Variants in CTNNA2 observed in about 807,000 individuals in gnomAD.
CTNNA2 encodes catenin alpha 2.
CTNNA2 carries 42 observed loss-of-function variants against 101.0 expected under a neutral mutation model. The observed-to-expected ratio is 0.42, with a 90% CI of 0.32 to 0.54. The LOEUF is 0.54. Among genes scored for constraint, CTNNA2 ranks in the 20% least tolerant of loss-of-function variants. CTNNA2 has a pLI of 0.14. For synonymous variants in CTNNA2, 450 were observed against 456.4 expected (o/e 0.99, Z 0.18); for missense variants, 871 against 1,223.1 (o/e 0.71, Z 4.29).
At chr2:80,256,130 T>C (rs1672121007) in intron 7 of CTNNA2, among the ~76,000 whole-genome samples, 1 of 152,120 alleles carries the variant, frequency 6.6e-6, no homozygotes, top group South Asian at 2.1e-4. Flanking sequence ...CCTTTATTAA[T>C]GGGCTTCCTT....
At chr2:80,186,666 G>A (rs191624563) in intron 7 of CTNNA2, among the ~76,000 whole-genome samples, 3 of 152,258 alleles carry the variant, frequency 2.0e-5, no homozygotes, top group South Asian at 2.1e-4. Context: ...GGGGAGGCCT[G>A]GAGAGAAGAT....
At chr2:79,521,149 TATATATATATATATATATAA>T (rs1231770699) in intron 1 of CTNNA2, among the ~76,000 whole-genome samples, 4 of 54,498 alleles carry the variant, frequency 7.3e-5, no homozygotes, top group African/African-American at 2.5e-4. Context: ...TATATATATA[TATATATATATATATATATAA>T]ATTTTAAGGT....
intron 7 of CTNNA2, among the ~76,000 whole-genome samples, chr2:80,377,974 TG>T (rs1487493993): frequency 1.3e-5 from 2 of 152,188 alleles, no homozygotes; most frequent in Admixed American, 1.3e-4. Flanking sequence ...AAACTCCTTT[TG>T]GGGGCATTGT....
chr2:80,346,407 T>A (rs1361315452), intron 7 of CTNNA2, among the ~76,000 whole-genome samples: 2 of 152,026 alleles, frequency 1.3e-5, no homozygotes, highest in African/African-American at 4.8e-5. Context: ...AATGACCAGA[T>A]CTTGTGTGAA....
rs554975231 is a variant in CTNNA2, at chr2:80,619,255, T to C, written c.2574+27T>C. On this transcript the variant is annotated intron_variant, in intron 18 of 18. Transcript: ENST00000402739. The stretch of plus-strand genomic sequence containing the variant: ...TGAGTAAATTGACTTTCTAATCTAA[T>C]GTCTTTCATTGTAATCATGAATTCT... 38 of 1,479,958 alleles carry C rather than the reference T, an allele frequency of 2.6e-5. No individual in the cohort carries two copies. The East Asian group carries it at 5.4e-4, about 21-fold the overall frequency. 91.7% of individuals were successfully genotyped at this position (1,479,958 alleles called of 1,614,324 possible).
chr2:79,418,317 C>T (rs1678505099), intron 4 of CTNNA2, among the ~76,000 whole-genome samples: 1 of 152,108 alleles, frequency 6.6e-6, no homozygotes, highest in Admixed American at 6.6e-5. Flanking sequence ...CTCCTCCCAG[C>T]CTGGTGGTCT....
At chr2:80,075,540 AAAT>A (rs943579649) in intron 7 of CTNNA2, among the ~76,000 whole-genome samples, 2 of 144,704 alleles carry the variant, frequency 1.4e-5, no homozygotes, top group African/African-American at 5.3e-5. Flanking sequence ...ACTGTTATAA[AAAT>A]AATATTTATA....
At chr2:80,369,741 C>G (rs1675276189) in intron 7 of CTNNA2, among the ~76,000 whole-genome samples, 1 of 152,048 alleles carries the variant, frequency 6.6e-6, no homozygotes, top group Non-Finnish European at 1.5e-5. Flanking sequence ...TCTTTCCTGG[C>G]TAGAGTCAGA....
chr2:79,214,321 A>G (rs1053836313), intron 2 of CTNNA2, among the ~76,000 whole-genome samples: 1 of 152,136 alleles, frequency 6.6e-6, no homozygotes, highest in African/African-American at 2.4e-5. Flanking sequence ...TAGTAAAGAA[A>G]GCATGTTTGA....
chr2:80,344,457 A>G (rs761235871), intron 7 of CTNNA2, among the ~76,000 whole-genome samples: 1 of 152,142 alleles, frequency 6.6e-6, no homozygotes, highest in African/African-American at 2.4e-5. Flanking sequence ...AAATGTCAAC[A>G]CATGAATGTT....
At chr2:79,644,121 T>TCA (rs1223124908) in intron 1 of CTNNA2, among the ~76,000 whole-genome samples, 1 of 152,114 alleles carries the variant, frequency 6.6e-6, no homozygotes, top group African/African-American at 2.4e-5. Flanking sequence ...CACTGCAACC[T>TCA]CTGCCTACCG....
intron 8 of CTNNA2, among the ~76,000 whole-genome samples, chr2:80,395,145 A>T (rs1187303186): frequency 6.6e-6 from 1 of 152,210 alleles, no homozygotes; most frequent in East Asian, 1.9e-4. Context: ...GTAAAATTTG[A>T]AGGTGAAAAA....
intron 9 of CTNNA2, among the ~76,000 whole-genome samples, chr2:80,462,807 C>G (rs570535435): frequency 1.3e-5 from 2 of 152,034 alleles, no homozygotes; most frequent in African/African-American, 4.8e-5. Context: ...TCAACGGTGT[C>G]TTCTCTATTC....
At chr2:80,375,975 A>C (rs547535591) in intron 7 of CTNNA2, among the ~76,000 whole-genome samples, 1 of 152,216 alleles carries the variant, frequency 6.6e-6, no homozygotes, top group African/African-American at 2.4e-5. Context: ...TGGTAGTAGA[A>C]ATGGGATCTC....
intron 7 of CTNNA2, among the ~76,000 whole-genome samples, chr2:79,946,987 C>A (rs1450260027): frequency 6.6e-6 from 1 of 152,138 alleles, no homozygotes; most frequent in Non-Finnish European, 1.5e-5. Context: ...TGAAAATAAT[C>A]AAATATCCAG....
chr2:79,587,329 C>T (rs888693569), intron 1 of CTNNA2, among the ~76,000 whole-genome samples: 1 of 152,182 alleles, frequency 6.6e-6, no homozygotes, highest in South Asian at 2.1e-4. Context: ...TATTAAACCC[C>T]ATTTTAATGA....
At chr2:79,867,673 CAGAG>C (rs770947240) in intron 4 of CTNNA2, among the ~76,000 whole-genome samples, 48 of 151,958 alleles carry the variant, frequency 3.2e-4, no homozygotes, top group Admixed American at 1.3e-3. Flanking sequence ...CTAGATTCTT[CAGAG>C]AAAACCACTG....
intron 8 of CTNNA2, among the ~76,000 whole-genome samples, chr2:80,413,004 A>G (rs1679722157): frequency 6.6e-6 from 1 of 152,206 alleles, no homozygotes; most frequent in Non-Finnish European, 1.5e-5. Flanking sequence ...ACAGAGTTAC[A>G]TGGCAATGGT....
At chr2:79,247,461 C>T (rs1674714156) in intron 2 of CTNNA2, among the ~76,000 whole-genome samples, 1 of 152,176 alleles carries the variant, frequency 6.6e-6, no homozygotes, top group South Asian at 2.1e-4. Context: ...TATTTTGGAG[C>T]ATTGCAATTA....
Sources: allele counts gnomAD v4.1 joint callset (sites outside exome capture counted in the v4.1 genomes callset), GRCh38; gene constraint gnomAD v4.1.1; transcripts MANE v1.5; gene names NCBI Gene and HGNC (gene_info 2026-07-23, HGNC 2026-07-21).